CERT1: variants seen among roughly 807,000 people sequenced by gnomAD.
The protein encoded by CERT1 is ceramide transporter 1.
In CERT1, 31 loss-of-function variants were observed where a neutral mutation model predicts 87.9. The ratio of observed to expected loss-of-function variants is 0.35; its 90% CI spans 0.27 to 0.48. The LOEUF is 0.48. CERT1 is among the 20% of genes least tolerant of loss of function. The pLI, the probability that CERT1 is intolerant of heterozygous loss-of-function variation, is 0.99. For missense variants in CERT1, 487 were observed against 758.0 expected (o/e 0.64, Z 4.20); for synonymous variants, 289 against 250.9 (o/e 1.15, Z -1.44).
chr5:75,412,955 A>C (rs948111557), intron 7 of CERT1, among the ~76,000 whole-genome samples: 3 of 152,182 alleles, frequency 2.0e-5, no homozygotes, highest in African/African-American at 7.2e-5. Context: ...TTTACTTTAT[A>C]AACTTTTTAA....
chr5:75,464,396 G>A (rs1362443615), intron 2 of CERT1, among the ~76,000 whole-genome samples: 2 of 152,116 alleles, frequency 1.3e-5, no homozygotes, highest in Non-Finnish European at 2.9e-5. Flanking sequence ...CCACCCTCTG[G>A]ACAGACTAAA....
intron 5 of CERT1, among the ~76,000 whole-genome samples, chr5:75,424,940 C>G (rs1468320514): frequency 6.6e-6 from 1 of 151,890 alleles, no homozygotes; most frequent in Non-Finnish European, 1.5e-5. Flanking sequence ...TAGTGAGACC[C>G]CCGTCTCTAT....
At chr5:75,463,115 C>T (rs955767406) in intron 2 of CERT1, among the ~76,000 whole-genome samples, 2 of 151,218 alleles carry the variant, frequency 1.3e-5, no homozygotes, top group Non-Finnish European at 2.9e-5. Context: ...CTGGTGTTTT[C>T]AAACATGAAA....
At chr5:75,399,242 G>T in intron 11 of CERT1, 68 bp downstream of exon 11, 2 of 1,187,518 alleles carry the variant, frequency 1.7e-6, no homozygotes, top group South Asian at 1.2e-5. Context: ...AGATTTCTAG[G>T]AACTGGGAAA....
chr5:75,505,784 A>C (rs1767622283), intron 2 of CERT1, 198 bp downstream of exon 2: 1 of 387,600 alleles, frequency 2.6e-6, no homozygotes. Flanking sequence ...GATAAAAACT[A>C]CATGTCTATG....
At chr5:75,438,702 T>C (rs1200989793) in intron 3 of CERT1, among the ~76,000 whole-genome samples, 1 of 152,124 alleles carries the variant, frequency 6.6e-6, no homozygotes, top group East Asian at 1.9e-4. Flanking sequence ...CATTTCAACA[T>C]ATTTGCTTTA....
intron 3 of CERT1, among the ~76,000 whole-genome samples, chr5:75,444,710 C>A (rs1428129428): frequency 6.6e-6 from 1 of 151,768 alleles, no homozygotes; most frequent in African/African-American, 2.4e-5. Context: ...CCATGCCCAG[C>A]CAATTTTTGT....
intron 8 of CERT1, 89 bp downstream of exon 8, chr5:75,410,922 T>G (rs1484060093): frequency 1.6e-6 from 1 of 630,940 alleles, no homozygotes; most frequent in African/African-American, 1.9e-5. Flanking sequence ...ATTTAGAATA[T>G]TTAAAGGTTA....
At chr5:75,476,894 C>T (rs892566964) in intron 2 of CERT1, among the ~76,000 whole-genome samples, 1 of 152,094 alleles carries the variant, frequency 6.6e-6, no homozygotes, top group Admixed American at 6.5e-5. Context: ...GGAAAAGACA[C>T]TTTGTACTCC....
At chr5:75,371,190 G>A (rs1561212339) in intron 17 of CERT1, 2 of 152,178 alleles carry the variant, frequency 1.3e-5, no homozygotes, top group East Asian at 3.9e-4. Context: ...ACTTTATTGT[G>A]TTTAAAAAAC....
chr5:75,418,307 G>A (rs1193723661), intron 6 of CERT1, among the ~76,000 whole-genome samples: 1 of 152,066 alleles, frequency 6.6e-6, no homozygotes, highest in African/African-American at 2.4e-5. Context: ...AAACCACAAT[G>A]ACATATCCCT....
chr5:75,508,080 T>C (rs1239717352), intron 1 of CERT1, among the ~76,000 whole-genome samples: 1 of 152,226 alleles, frequency 6.6e-6, no homozygotes, highest in Non-Finnish European at 1.5e-5. Flanking sequence ...ATTGATCGTA[T>C]TGAGTCTCTA....
At chr5:75,422,099 A>ATC (rs1160977524) in intron 5 of CERT1, among the ~76,000 whole-genome samples, 1 of 152,058 alleles carries the variant, frequency 6.6e-6, no homozygotes, top group Middle Eastern at 3.2e-3. Flanking sequence ...CAAAACGTTA[A>ATC]TCTCTCTCTC....
chr5:75,394,179 A>G (rs1286917708), intron 11 of CERT1, among the ~76,000 whole-genome samples: 1 of 152,184 alleles, frequency 6.6e-6, no homozygotes, highest in African/African-American at 2.4e-5. Flanking sequence ...TGGGAATGTA[A>G]GCTGGTTCAA....
At chr5:75,461,678 G>A (rs1023340140) in intron 2 of CERT1, among the ~76,000 whole-genome samples, 1 of 151,986 alleles carries the variant, frequency 6.6e-6, no homozygotes, top group Non-Finnish European at 1.5e-5. Flanking sequence ...CATTTTCTCT[G>A]GCAAACACCT....
At chr5:75,382,322 TTAAC>T (rs1217531260) in intron 14 of CERT1, among the ~76,000 whole-genome samples, 3 of 152,200 alleles carry the variant, frequency 2.0e-5, no homozygotes, top group Non-Finnish European at 4.4e-5. Flanking sequence ...ATTTGTCATT[TTAAC>T]TAACTTTTAG....
At chr5:75,494,300 G>A (rs906491448) in intron 2 of CERT1, among the ~76,000 whole-genome samples, 2 of 152,110 alleles carry the variant, frequency 1.3e-5, no homozygotes, top group South Asian at 2.1e-4. Flanking sequence ...AAACTTTTAC[G>A]CTGGTCAGAT....
intron 2 of CERT1, among the ~76,000 whole-genome samples, chr5:75,460,391 T>C (rs916201659): frequency 3.3e-5 from 5 of 152,162 alleles, no homozygotes; most frequent in Admixed American, 3.3e-4. Flanking sequence ...TTACATAAGA[T>C]CTACATGAGC....
In CERT1 at chr5:75,444,553, T is replaced by C. The variant is rs192225641; in HGVS notation, c.348+14512A>G. ...GTTGATTTTGCTTTTCTTTTCTTTT[T>C]TTTTTTTTTTTTTGAGACAGAGTCT... On this transcript the variant is annotated intron_variant, in intron 3 of 16. Transcript: ENST00000643780. Among the ~76,000 whole-genome samples, 925 of 147,956 alleles carry C rather than the reference T, an allele frequency of 6.3e-3. 7 individuals carry two copies. The highest frequency in any genetic ancestry group is 0.02 in the African/African-American group (821 of 40,258).
Sources: gnomAD v4.1 joint callset for allele counts (sites outside exome capture counted in the v4.1 genomes callset) on GRCh38, gnomAD v4.1.1 for gene constraint, MANE v1.5 for transcripts, NCBI Gene and HGNC (gene_info 2026-07-23, HGNC 2026-07-21) for gene names.